Variants in HTR2C observed in about 807,000 individuals in gnomAD.
HTR2C encodes 5-hydroxytryptamine (serotonin) receptor 2C, G protein-coupled.
A neutral mutation model predicts 21.0 loss-of-function variants in HTR2C; 5 were observed. The observed-to-expected ratio is 0.24, with a 90% confidence interval of 0.12 to 0.50. The LOEUF is 0.50. HTR2C is among the 20% of genes least tolerant of loss of function. The pLI is 0.98. For synonymous variants in HTR2C, 150 were observed against 145.3 expected, an observed-to-expected ratio of 1.03 and a Z score of -0.23; for missense variants, 271 against 371.2, an observed-to-expected ratio of 0.73 and a Z score of 2.22.
chrX:114,708,434 T>A (rs1449845418), intron 2 of HTR2C, among the ~76,000 whole-genome samples: 5 of 112,036 alleles, frequency 4.5e-5, no homozygotes. Context: ...ACAATTAAAG[T>A]CAACTTATTC....
intron 4 of HTR2C, among the ~76,000 whole-genome samples, chrX:114,792,872 T>C (rs1172579006): frequency 2.1e-4 from 24 of 112,324 alleles, no homozygotes; most frequent in African/African-American, 7.1e-4. Flanking sequence ...TGATCAGTGA[T>C]GTTGAGCTTT....
At chrX:114,805,024 A>T (rs1325991187) in intron 4 of HTR2C, among the ~76,000 whole-genome samples, 2 of 111,785 alleles carry the variant, frequency 1.8e-5, no homozygotes, top group African/African-American at 6.5e-5. Context: ...TGGGAACGAA[A>T]TATAAAAGTT....
chrX:114,584,929 CG>C (rs1927326809), intron 1 of HTR2C, among the ~76,000 whole-genome samples: 1 of 64,514 alleles, frequency 1.6e-5, no homozygotes. Context: ...TGGGCGGAGG[CG>C]GGGGTCTAGA....
rs199564743 is a variant in HTR2C at position 114,726,892 on chromosome X, C to T, written c.-45C>T. The T allele has an allele frequency of 2.7e-5, 25 of 918,421 alleles. No individual in the cohort carries two copies. Among genetic ancestry groups the T allele is most frequent in the East Asian group, 6.9e-5 (2 of 28,781 alleles). 75.7% of individuals were successfully genotyped at this position (918,421 alleles called of 1,213,427 possible). A position where few individuals can be genotyped will look rare whatever the true frequency, so the allele number is the denominator to read the frequency against. On this transcript the variant is annotated 5_prime_UTR_variant, in exon 3 of 6. Coordinates refer to ENST00000276198, the MANE Select transcript of HTR2C (RefSeq NM_000868.4). ...TATGATGAACCTAGCCTGTTAATTTCGTCTTCTCAATTTTAAACTTTGGTT... is the reference window on the plus strand; with the variant it reads ...TATGATGAACCTAGCCTGTTAATTTTGTCTTCTCAATTTTAAACTTTGGTT...
chrX:114,866,272 A>G (rs782382647), intron 5 of HTR2C, among the ~76,000 whole-genome samples: 1 of 110,894 alleles, frequency 9.0e-6, no homozygotes, highest in Non-Finnish European at 1.9e-5. Context: ...TTTAAGAAAT[A>G]TTTGCCAAAC....
At chrX:114,637,455 A>G (rs1264317209) in intron 2 of HTR2C, among the ~76,000 whole-genome samples, 1 of 112,224 alleles carries the variant, frequency 8.9e-6, no homozygotes, top group African/African-American at 3.2e-5. Flanking sequence ...AATGTGCTGA[A>G]ATATTAAGCT....
chrX:114,626,215 A>C (rs1313755105), intron 2 of HTR2C, among the ~76,000 whole-genome samples: 1 of 99,215 alleles, frequency 1.0e-5, no homozygotes, highest in Non-Finnish European at 2.0e-5. Context: ...CCATCTCTGC[A>C]AAAAAAAAAA....
chrX:114,733,270 C>T (rs1048464660), intron 4 of HTR2C, among the ~76,000 whole-genome samples: 3 of 109,603 alleles, frequency 2.7e-5, no homozygotes, highest in Non-Finnish European at 3.8e-5. Context: ...ATTAGCCGGG[C>T]GTGGTGGTGG....
chrX:114,715,384 G>C (rs1295244767), intron 2 of HTR2C: 10 of 358,002 alleles, frequency 2.8e-5, no homozygotes, highest in African/African-American at 1.6e-4. Context: ...GTTATAAAGT[G>C]AAAAGTTTGT....
intron 5 of HTR2C, among the ~76,000 whole-genome samples, chrX:114,854,581 T>G (rs782371154): frequency 2.6e-4 from 29 of 110,833 alleles, no homozygotes; most frequent in African/African-American, 7.5e-4. Context: ...TAACACAAAA[T>G]GGATGAAATC....
In HTR2C at chrX:114,704,439, A is replaced by G. The variant is rs781804109; in HGVS notation, c.-79-22419A>G. On this transcript the variant is annotated intron_variant, in intron 2 of 5. Transcript: ENST00000276198. The stretch of plus-strand genomic sequence containing the variant: ...TCAATAAATGTAATCCAGCATATAA[A>G]CGGAACCAAAGTCAAAAACCACATG... 4.5e-5 allele frequency among the ~76,000 whole-genome samples: 5 copies of G among 111,702 alleles called. No homozygotes were observed. In the East Asian group the frequency reaches 1.4e-3, roughly 32 times the overall value.
At chrX:114,810,390 C>T (rs1569496549) in intron 4 of HTR2C, among the ~76,000 whole-genome samples, 1 of 110,544 alleles carries the variant, frequency 9.0e-6, no homozygotes. Flanking sequence ...ATTTAGGACC[C>T]GGGGGGCACT....
intron 4 of HTR2C, chrX:114,775,049 A>G: frequency 2.1e-6 from 1 of 483,853 alleles, no homozygotes; most frequent in South Asian, 2.7e-5. Flanking sequence ...ACTTCATTAA[A>G]CTTGTCCAGA....
At chrX:114,669,293 G>A (rs782174205) in intron 2 of HTR2C, among the ~76,000 whole-genome samples, 18 of 111,729 alleles carry the variant, frequency 1.6e-4, no homozygotes, top group East Asian at 2.8e-4. Context: ...ATAAGTTAAA[G>A]TTTTCTCAGA....
At chrX:114,854,081 G>A (rs1556470143) in intron 5 of HTR2C, among the ~76,000 whole-genome samples, 1 of 110,583 alleles carries the variant, frequency 9.0e-6, no homozygotes, top group African/African-American at 3.3e-5. Context: ...CAATTTTTTA[G>A]CTTTACCACA....
chrX:114,812,025 C>T (rs782302051), intron 4 of HTR2C, among the ~76,000 whole-genome samples: 86 of 111,099 alleles, frequency 7.7e-4, no homozygotes, highest in Non-Finnish European at 1.4e-3. Flanking sequence ...TGGTTTGCTG[C>T]ACCTATCAAC....
chrX:114,823,481 G>A (rs1556457094), intron 4 of HTR2C: 1 of 348,954 alleles, frequency 2.9e-6, no homozygotes, highest in Non-Finnish European at 5.8e-6. Context: ...CCTGCATAGT[G>A]CTGCCAGGAA....
chrX:114,789,091 C>T (rs1444960891), intron 4 of HTR2C, among the ~76,000 whole-genome samples: 3 of 112,047 alleles, frequency 2.7e-5, no homozygotes, highest in Non-Finnish European at 5.6e-5. Flanking sequence ...AATTACAGTT[C>T]TCAAGAAAGC....
At chrX:114,599,370 CTTAAT>C (rs1927995410) in intron 1 of HTR2C, among the ~76,000 whole-genome samples, 1 of 111,870 alleles carries the variant, frequency 8.9e-6, no homozygotes, top group African/African-American at 3.2e-5. Context: ...GCCTTTATTT[CTTAAT>C]TTATTTGAGC....
Sources: allele counts gnomAD v4.1 joint callset (sites outside exome capture counted in the v4.1 genomes callset), GRCh38; gene constraint gnomAD v4.1.1; transcripts MANE v1.5; gene names NCBI Gene and HGNC (gene_info 2026-07-23, HGNC 2026-07-21).